DOCK6: variants seen among roughly 807,000 people sequenced by gnomAD.
The protein encoded by DOCK6 is dedicator of cytokinesis 6, also known as dedicator of cytokinesis protein 6.
Under a neutral mutation model 230.3 loss-of-function variants are expected in DOCK6, and 167 were observed. The observed-to-expected ratio is 0.73, with a 90% confidence interval of 0.64 to 0.82. DOCK6 has a LOEUF of 0.82. Among genes scored for constraint, DOCK6 ranks in the 40% least tolerant of loss-of-function variants. DOCK6 has a pLI of 0.00. For missense variants in DOCK6, 2,598 were observed against 2,825.8 expected (o/e 0.92, Z 1.83); for synonymous variants, 1,148 against 1,185.0 (o/e 0.97, Z 0.64).
At position 11,243,234 on chromosome 19, in the gene DOCK6, G is replaced by C. The variant is rs1178709886; in HGVS notation, c.1386+24C>G. ...AATGCAGCCAGCGGGGAGTGGGAGA[G>C]TCCCTGGCCCCAGGGTAGGACACCT... On this transcript the variant is annotated intron_variant, in intron 12 of 47. Transcript: ENST00000294618. This position sits in a 1 kb window ranked among gnomAD's most constrained non-coding sequence, Gnocchi z 6.3. 2.5e-6 allele frequency: 4 copies of C among 1,613,270 alleles called. No homozygotes were observed. Among genetic ancestry groups the C allele is most frequent in the African/African-American group, 1.3e-5 (1 of 74,896 alleles).
At chr19:11,255,876 T>C (rs577864240) in intron 1 of DOCK6, among the ~76,000 whole-genome samples, 7 of 152,232 alleles carry the variant, frequency 4.6e-5, no homozygotes, top group African/African-American at 1.7e-4. Flanking sequence ...AAGCTCCGCC[T>C]CCCGGGTTCA....
chr19:11,225,232 A>C (rs952644167), intron 24 of DOCK6, among the ~76,000 whole-genome samples: 3 of 152,172 alleles, frequency 2.0e-5, no homozygotes, highest in Admixed American at 6.5e-5. Context: ...CATCTCAAAA[A>C]AAAAAGTGGA....
Position 11,227,434 on chromosome 19 carries a change from TCTAGTCGCTGGC to T in DOCK6, c.2846_2857del (p.Gly949_Leu952del). On this transcript the variant is annotated inframe_deletion, in exon 24 of 48. Transcript: ENST00000294618. Reference sequence around the variant, plus strand: ...GGGGAAGCGCAGCTTGCGGGGTGTGTCTAGTCGCTGGCCAAGCAGCAGGTGCAGCGCCATACT... The same window carrying T: ...GGGGAAGCGCAGCTTGCGGGGTGTGTCAAGCAGCAGGTGCAGCGCCATACT... 1 of 1,610,726 alleles carries T rather than the reference TCTAGTCGCTGGC, an allele frequency of 6.2e-7. No individual in the cohort carries two copies. Among genetic ancestry groups the T allele is most frequent in the Non-Finnish European group, 8.5e-7 (1 of 1,178,694 alleles).
At position 11,200,842 on chromosome 19, in the gene DOCK6, G is replaced by T; in HGVS notation, c.5833-20C>A. The T allele has an allele frequency of 6.2e-7, 1 of 1,612,922 alleles. No homozygotes were observed. The highest frequency in any genetic ancestry group is 8.5e-7 in the Non-Finnish European group (1 of 1,179,022). On this transcript the variant is annotated intron_variant, in intron 45 of 47. Transcript: ENST00000294618. The surrounding 1 kb of genome is among the most constrained non-coding windows in gnomAD (Gnocchi z 4.3). The stretch of plus-strand genomic sequence containing the variant: ...GGGACCCTGTGGGGTGAGAGGGACT[G>T]GTGAGCCAGCCTGCATGGCACCTGG...
Position 11,222,402 on chromosome 19 carries a change from G to C in DOCK6, c.3241-154C>G. The C allele has an allele frequency of 9.1e-7, 1 of 1,100,256 alleles. No individual in the cohort carries two copies. Among genetic ancestry groups the C allele is most frequent in the Non-Finnish European group, 1.3e-6 (1 of 783,092 alleles). 68.2% of individuals were successfully genotyped at this position (1,100,256 alleles called of 1,614,324 possible). A position where few individuals can be genotyped will look rare whatever the true frequency, so the allele number is the denominator to read the frequency against. ...GTCATCTGGAGGTGACAGTGGGCATGGGTTTCAAGGCCAGAAGTGAGGGGC... is the reference window on the plus strand; with the variant it reads ...GTCATCTGGAGGTGACAGTGGGCATCGGTTTCAAGGCCAGAAGTGAGGGGC... On this transcript the variant is annotated intron_variant, in intron 26 of 47. Coordinates refer to ENST00000294618, the MANE Select transcript of DOCK6 (RefSeq NM_020812.4). The surrounding 1 kb of genome is among the most constrained non-coding windows in gnomAD (Gnocchi z 4.0).
At position 11,243,564 on chromosome 19, in the gene DOCK6, C is replaced by G; in HGVS notation, c.1251G>C (p.Ser417=). 2 of 1,603,244 alleles carry G rather than the reference C, an allele frequency of 1.2e-6. No homozygotes were observed. Among genetic ancestry groups the G allele is most frequent in the South Asian group, 1.1e-5 (1 of 89,460 alleles). ...TTAGCCCCGCCTCCTCACCGCCCTC[C>G]GAGTCAGAGTCCCGGTCCAGCTGCC... ...SAGQLDRDSD[S]EGERRPAWTD... is the part of the protein sequence containing the mutation. The change falls in exon 11 of 48, where the codon TCG becomes TCC. Residue 417 remains serine, a synonymous_variant. Coordinates refer to ENST00000294618, the MANE Select transcript of DOCK6 (RefSeq NM_020812.4). The surrounding 1 kb of genome is among the most constrained non-coding windows in gnomAD (Gnocchi z 6.3).
Position 11,228,949 on chromosome 19 carries a change from G to A in DOCK6, c.2805C>T (p.Phe935=), listed in dbSNP as rs759201653. Reference sequence around the variant, plus strand: ...GAGGAGGGGGTCTCACCATGAGCTGGAAGAAGAACCAGGCGTGCTGGAGGA... The same window carrying A: ...GAGGAGGGGGTCTCACCATGAGCTGAAAGAAGAACCAGGCGTGCTGGAGGA... ...EAILQHAWFF[F]QLMVKSMALH... The change falls in exon 23 of 48, where the codon TTC becomes TTT. Residue 935 remains phenylalanine, a synonymous_variant. Transcript: ENST00000294618. 3.7e-6 allele frequency: 6 copies of A among 1,613,792 alleles called. No individual in the cohort carries two copies. Among genetic ancestry groups the A allele is most frequent in the Non-Finnish European group, 5.1e-6 (6 of 1,179,838 alleles).
In DOCK6 at chr19:11,203,952, T is replaced by A. The variant is rs933892935; in HGVS notation, c.5235+129A>T. 7.6e-5 allele frequency: 95 copies of A among 1,257,000 alleles called. No individual in the cohort carries two copies. In the Middle Eastern group the frequency reaches 8.1e-4, roughly 11 times the overall value. 77.9% of individuals were successfully genotyped at this position (1,257,000 alleles called of 1,614,324 possible). Reference sequence around the variant, plus strand: ...GGGAAATAATGGGGTGGGTCCCTTGTGGCCACAGCCCCAGCCCCAAGGGCC... The same window carrying A: ...GGGAAATAATGGGGTGGGTCCCTTGAGGCCACAGCCCCAGCCCCAAGGGCC... On this transcript the variant is annotated intron_variant, in intron 41 of 47. Coordinates refer to ENST00000294618, the MANE Select transcript of DOCK6 (RefSeq NM_020812.4).
intron 41 of DOCK6, 183 bp downstream of exon 41, chr19:11,203,897 CG>C: frequency 7.4e-6 from 5 of 674,148 alleles, no homozygotes; most frequent in Non-Finnish European, 9.5e-6. Context: ...AGATCTGGGG[CG>C]GGGGGTGGGG....
chr19:11,209,204 C>T, intron 37 of DOCK6, 101 bp from the exon 38 acceptor site: 9 of 1,376,872 alleles, frequency 6.5e-6, no homozygotes, highest in Non-Finnish European at 7.9e-6. Flanking sequence ...CCCATGTCCG[C>T]CCCAAGGACC....
At chr19:11,218,770 A>G (rs1469871901) in intron 28 of DOCK6, among the ~76,000 whole-genome samples, 1 of 151,474 alleles carries the variant, frequency 6.6e-6, no homozygotes, top group Non-Finnish European at 1.5e-5. Flanking sequence ...CTATAGCATC[A>G]ATCAGCACTT....
intron 24 of DOCK6, 71 bp from the exon 25 acceptor site, chr19:11,223,177 G>C (rs911432806): frequency 1.2e-4 from 163 of 1,382,698 alleles, no homozygotes; most frequent in Middle Eastern, 1.0e-3. Context: ...CTCTCACCAA[G>C]ATCATCTGCC....
chr19:11,200,320 G>T lies in DOCK6; in HGVS notation c.6089C>A (p.Pro2030Gln), dbSNP rs1420825175. 1.9e-6 allele frequency: 3 copies of T among 1,567,772 alleles called. No homozygotes were observed. The highest frequency in any genetic ancestry group is 1.7e-6 in the Non-Finnish European group (2 of 1,156,326). ...CTAGGTCAGGCACCTGAGGCCGGGT[G>T]GGGTGGGTGCCATCAGCTGGGGCAG... ...QRLPQLMAPT[P>Q]PGLRNSLNRA... Residue 2030 changes from proline (P) to glutamine (Q), a missense_variant, in exon 47 of 48, where the codon CCA (proline) becomes CAA (glutamine). By Grantham distance (76) the Pro-to-Gln change is moderately conservative (BLOSUM62 -1). Coordinates refer to ENST00000294618, the MANE Select transcript of DOCK6 (RefSeq NM_020812.4). The surrounding 1 kb of genome is among the most constrained non-coding windows in gnomAD (Gnocchi z 4.3).
In DOCK6 at chr19:11,222,069, T is replaced by G; in HGVS notation, c.3380+40A>C. 1 of 1,606,916 alleles carries G rather than the reference T, an allele frequency of 6.2e-7. No individual in the cohort carries two copies. The highest frequency in any genetic ancestry group is 1.1e-5 in the South Asian group (1 of 90,742). ...GACAGGGTGGACATGGCTCCTGGAC[T>G]GTCCCACCTGTCCTGGGGCTAGACA... On this transcript the variant is annotated intron_variant, in intron 27 of 47. Coordinates refer to ENST00000294618, the MANE Select transcript of DOCK6 (RefSeq NM_020812.4). The surrounding 1 kb of genome is among the most constrained non-coding windows in gnomAD (Gnocchi z 4.0).
Position 11,214,567 on chromosome 19 carries a change from C to G in DOCK6, c.4189G>C (p.Glu1397Gln). ...TCAAGCCCTACCTGCACGATGATCTCCAGTGTGTCCAGAACCACTAGGCTT... is the reference window on the plus strand; with the variant it reads ...TCAAGCCCTACCTGCACGATGATCTGCAGTGTGTCCAGAACCACTAGGCTT... ...EASLVVLDTL[E>Q]IIVQTVMLSE... The change falls in exon 33 of 48, where the codon GAG becomes CAG. Residue 1397 changes from glutamate (E) to glutamine (Q), a missense_variant. Transcript: ENST00000294618. 1 of 1,613,914 alleles carries G rather than the reference C, an allele frequency of 6.2e-7. No homozygotes were observed. The highest frequency in any genetic ancestry group is 8.5e-7 in the Non-Finnish European group (1 of 1,179,876).
chr19:11,211,599 G>C (rs531103781), intron 37 of DOCK6, among the ~76,000 whole-genome samples, 177 bp downstream of exon 37: 1 of 132,722 alleles, frequency 7.5e-6, no homozygotes, highest in Non-Finnish European at 1.6e-5. Flanking sequence ...CTGCTCACCT[G>C]TCCCCCTCAC....
chr19:11,218,375 G>A (rs1032227942), intron 28 of DOCK6, among the ~76,000 whole-genome samples: 5 of 152,178 alleles, frequency 3.3e-5, no homozygotes, highest in African/African-American at 9.6e-5. Flanking sequence ...TCAAACTCCT[G>A]ACCTCGAATG....
At chr19:11,258,500 T>C (rs2080231967) in intron 1 of DOCK6, among the ~76,000 whole-genome samples, 1 of 151,446 alleles carries the variant, frequency 6.6e-6, no homozygotes, top group South Asian at 2.1e-4. Flanking sequence ...TGGTGAAATC[T>C]CAGCTCACTG....
intron 13 of DOCK6, among the ~76,000 whole-genome samples, chr19:11,242,481 T>G: frequency 6.6e-6 from 1 of 152,030 alleles, no homozygotes. Flanking sequence ...AACCTCTGCC[T>G]CCCCAGTTCA....
Sources: allele counts gnomAD v4.1 joint callset (sites outside exome capture counted in the v4.1 genomes callset), GRCh38; gene constraint gnomAD v4.1.1; non-coding constraint Gnocchi (gnomAD v3.1); transcripts MANE v1.5; gene names NCBI Gene and HGNC (gene_info 2026-07-23, HGNC 2026-07-21).